ZEB2: variants seen among roughly 807,000 people sequenced by gnomAD.
ZEB2 encodes zinc finger E-box binding homeobox 2, also known as zinc finger E-box-binding homeobox 2.
A neutral mutation model predicts 99.9 loss-of-function variants in ZEB2; 6 were observed. The observed-to-expected ratio is 0.06, with a 90% CI of 0.03 to 0.12. The LOEUF is 0.12. Among genes scored for constraint, ZEB2 ranks in the 10% least tolerant of loss-of-function variants. ZEB2 has a pLI of 1.00. For missense variants in ZEB2, 969 were observed against 1,502.8 expected (o/e 0.64, Z 5.87); for synonymous variants, 517 against 542.5 (o/e 0.95, Z 0.65).
chr2:144,428,192 T>C (rs962638077), intron 3 of ZEB2: 4 of 152,198 alleles, frequency 2.6e-5, no homozygotes, highest in Admixed American at 2.0e-4. Context: ...TTCATTCTTA[T>C]AGCCCTGCAT....
At chr2:144,510,305 CG>C (rs1484524914) in intron 2 of ZEB2, among the ~76,000 whole-genome samples, 1 of 152,084 alleles carries the variant, frequency 6.6e-6, no homozygotes, top group African/African-American at 2.4e-5. Flanking sequence ...TGTGAGGACC[CG>C]TCACTGAAAC....
At chr2:144,470,940 T>C (rs1015568309) in intron 2 of ZEB2, among the ~76,000 whole-genome samples, 1 of 152,116 alleles carries the variant, frequency 6.6e-6, no homozygotes, top group Non-Finnish European at 1.5e-5. Context: ...AATTAGTATA[T>C]CATCATGTTT....
chr2:144,508,967 T>A lies in ZEB2; in HGVS notation c.73+8311A>T, dbSNP rs550019858. 3.9e-5 allele frequency among the ~76,000 whole-genome samples: 6 copies of A among 152,238 alleles called. 1 individual carries two copies. In the South Asian group the frequency reaches 1.2e-3, roughly 32 times the overall value. On this transcript the variant is annotated intron_variant, in intron 2 of 9. Transcript: ENST00000627532. ...GTGCTGCCTTGATTCCTTTTTTCTA[T>A]CTTTTTTTTTTCCCTTGCCAATTAT... is the stretch of plus-strand genomic sequence containing the variant.
rs201112146 is a variant in ZEB2 at position 144,390,032 on chromosome 2, G to A, written c.3068-4C>T. ...TGACACTGATGTGGTCTTTTTCCTG[G>A]GAGAAAGAACAAGATGACAGGGTGA... On this transcript the variant is annotated splice_polypyrimidine_tract_variant and splice_region_variant and intron_variant, in intron 9 of 9. Coordinates refer to ENST00000627532, the MANE Select transcript of ZEB2 (RefSeq NM_014795.4). 3 of 1,599,800 alleles carry A rather than the reference G, an allele frequency of 1.9e-6. No individual in the cohort carries two copies. The highest frequency in any genetic ancestry group is 2.5e-6 in the Non-Finnish European group (3 of 1,179,898).
At chr2:144,493,903 A>G (rs1704720187) in intron 2 of ZEB2, among the ~76,000 whole-genome samples, 1 of 152,144 alleles carries the variant, frequency 6.6e-6, no homozygotes. Context: ...CTGTAATCCC[A>G]GCACTTTGGG....
At chr2:144,518,823 C>G (rs1705215533) in intron 1 of ZEB2, 1 of 152,122 alleles carries the variant, frequency 6.6e-6, no homozygotes, top group African/African-American at 2.4e-5. Flanking sequence ...TATATTCATC[C>G]TGAGACACAC....
rs908831537 is a variant in ZEB2, at chr2:144,486,531, A to G, written c.73+30747T>C. 2.0e-5 allele frequency among the ~76,000 whole-genome samples: 3 copies of G among 152,290 alleles called. 1 individual carries two copies. In the South Asian group the frequency reaches 6.2e-4, roughly 32 times the overall value. On this transcript the variant is annotated intron_variant, in intron 2 of 9. Coordinates refer to ENST00000627532, the MANE Select transcript of ZEB2 (RefSeq NM_014795.4). The stretch of plus-strand genomic sequence containing the variant: ...GACTACCTTGATCATGGTTTTGATT[A>G]CAAATCCCGAAAACAATTATGGAAA...
chr2:144,491,761 T>C lies in ZEB2; in HGVS notation c.73+25517A>G, dbSNP rs149473620. Among the ~76,000 whole-genome samples, 470 of 152,390 alleles carry C rather than the reference T, an allele frequency of 3.1e-3. 1 individual carries two copies. The highest frequency in any genetic ancestry group is 0.011 in the African/African-American group (446 of 41,596). ...TTACATGCCCCTCTTCAGATACTTA[T>C]GGAGAACATGGGAATTTTAAATTCA... On this transcript the variant is annotated intron_variant, in intron 2 of 9. Transcript: ENST00000627532.
chr2:144,443,898 T>A (rs1395799015), intron 2 of ZEB2, among the ~76,000 whole-genome samples: 4 of 152,096 alleles, frequency 2.6e-5, no homozygotes, highest in Admixed American at 6.5e-5. Context: ...TCAGGACTCA[T>A]CATTTGAGGT....
chr2:144,471,497 T>C lies in ZEB2; in HGVS notation c.74-41471A>G, dbSNP rs1704354746. On this transcript the variant is annotated intron_variant, in intron 2 of 9. Transcript: ENST00000627532. Reference sequence around the variant, plus strand: ...TAAGGGACAGAGGTAGTTATTGTCATGCACACTCTTCTCTCTCTCTCTCTT... The same window carrying C: ...TAAGGGACAGAGGTAGTTATTGTCACGCACACTCTTCTCTCTCTCTCTCTT... Among the ~76,000 whole-genome samples, 7 of 151,664 alleles carry C rather than the reference T, an allele frequency of 4.6e-5. 1 individual carries two copies. The South Asian group carries it at 1.5e-3, about 32-fold the overall frequency.
chr2:144,488,561 T>C (rs569999089), intron 2 of ZEB2, among the ~76,000 whole-genome samples: 9 of 152,284 alleles, frequency 5.9e-5, no homozygotes, highest in African/African-American at 1.9e-4. Context: ...TCCATGACTT[T>C]TTTTTTTGGA....
chr2:144,476,568 G>C (rs1489757316), intron 2 of ZEB2, among the ~76,000 whole-genome samples: 4 of 152,126 alleles, frequency 2.6e-5, no homozygotes, highest in Non-Finnish European at 5.9e-5. Context: ...ACTAGCTGAG[G>C]GCAGCACCTG....
rs770557318 is a variant in ZEB2 at position 144,418,809 on chromosome 2, A to G, written c.403+5987T>C. ...AATGGCATGCCATGAGAATGACACA[A>G]TGGACTTTGGGGAAATGGTGGGAGG... On this transcript the variant is annotated intron_variant, in intron 4 of 9. Coordinates refer to ENST00000627532, the MANE Select transcript of ZEB2 (RefSeq NM_014795.4). Among the ~76,000 whole-genome samples the G allele has an allele frequency of 2.9e-4, 44 of 152,214 alleles. 1 individual carries two copies. Among genetic ancestry groups the G allele is most frequent in the East Asian group, 7.7e-4 (4 of 5,172 alleles).
chr2:144,493,549 G>A (rs1704712495), intron 2 of ZEB2, among the ~76,000 whole-genome samples: 1 of 152,206 alleles, frequency 6.6e-6, no homozygotes, highest in Middle Eastern at 3.4e-3. Context: ...TGGCCTCCTT[G>A]GGGAGGGAGG....
chr2:144,515,633 C>G (rs949664990), intron 2 of ZEB2, among the ~76,000 whole-genome samples: 1 of 151,748 alleles, frequency 6.6e-6, no homozygotes, highest in Non-Finnish European at 1.5e-5. Context: ...TAATACTAAG[C>G]CAAGCAAATA....
chr2:144,434,849 T>C (rs1437626657), intron 2 of ZEB2, among the ~76,000 whole-genome samples: 2 of 152,168 alleles, frequency 1.3e-5, no homozygotes, highest in Non-Finnish European at 2.9e-5. Context: ...AAGACTTGCC[T>C]TGTCCCAGAA....
At chr2:144,397,924 A>G (rs763059764) in intron 8 of ZEB2, 5 of 347,744 alleles carry the variant, frequency 1.4e-5, no homozygotes, top group South Asian at 7.1e-5. Flanking sequence ...TACAGGCATG[A>G]GCCATCACAC....
intron 1 of ZEB2, chr2:144,519,345 A>C (rs1314528573): frequency 6.6e-6 from 1 of 152,260 alleles, no homozygotes; most frequent in African/African-American, 2.4e-5. Flanking sequence ...TACACACACA[A>C]AGAATGAAAT....
chr2:144,470,234 T>C (rs542018802), intron 2 of ZEB2, among the ~76,000 whole-genome samples: 4 of 152,296 alleles, frequency 2.6e-5, no homozygotes, highest in African/African-American at 9.6e-5. Context: ...TAAAAATGTA[T>C]TTAAAACACG....
Sources: gnomAD v4.1 joint callset for allele counts (sites outside exome capture counted in the v4.1 genomes callset) on GRCh38, gnomAD v4.1.1 for gene constraint, MANE v1.5 for transcripts, NCBI Gene and HGNC (gene_info 2026-07-23, HGNC 2026-07-21) for gene names.